SPSB4: variants seen among roughly 807,000 people sequenced by gnomAD.
SPSB4 encodes the protein SPRY domain-containing SOCS box protein 4.
A neutral mutation model predicts 20.9 loss-of-function variants in SPSB4; 21 were observed. The ratio of observed to expected loss-of-function variants is 1.01; its 90% CI spans 0.71 to 1.45. The LOEUF is 1.45. Ranked by LOEUF, SPSB4 falls within the 40% of genes most tolerant of loss-of-function variation. The pLI is 0.00. For missense variants in SPSB4, 399 were observed against 399.2 expected (o/e 1.00, Z 0.00); for synonymous variants, 207 against 183.8 (o/e 1.13, Z -1.02).
rs78690199 is a variant in SPSB4 at position 141,069,056 on chromosome 3, G to A, written c.694+2258G>A. Among the ~76,000 whole-genome samples, 408 of 152,320 alleles carry A rather than the reference G, an allele frequency of 2.7e-3. 1 individual carries two copies. Among genetic ancestry groups the A allele is most frequent in the African/African-American group, 8.6e-3 (359 of 41,564 alleles). On this transcript the variant is annotated intron_variant, in intron 2 of 2. Transcript: ENST00000310546. ...TGAATCTGGAATACTGAATCTAGGA[G>A]GCAAGAGAGGCCAGATGTCATGGGA...
At chr3:141,076,122 GC>G (rs1938104986) in intron 2 of SPSB4, among the ~76,000 whole-genome samples, 1 of 152,196 alleles carries the variant, frequency 6.6e-6, no homozygotes, top group African/African-American at 2.4e-5. Flanking sequence ...GGTCTGTGTT[GC>G]CCTCTTTGTT....
At position 141,066,205 on chromosome 3, in the gene SPSB4, C is replaced by T. The variant is rs1304662334; in HGVS notation, c.101C>T (p.Pro34Leu). ...CTGCGGGGTGCAGAGCCCGGGCGGC[C>T]GGCGCGGCTGGACCAGCTGTTGGAC... is the stretch of plus-strand genomic sequence containing the variant. ...RELRGAEPGRPARLDQLLDMP... is the reference protein window; with the variant it reads ...RELRGAEPGRLARLDQLLDMP... Residue 34 changes from proline to leucine, a missense_variant, in exon 2 of 3, where the codon CCG becomes CTG. Physicochemically the swap from Pro to Leu is moderately conservative, Grantham distance 98. Transcript: ENST00000310546. 5.6e-5 allele frequency: 86 copies of T among 1,532,006 alleles called. No individual in the cohort carries two copies. The highest frequency in any genetic ancestry group is 7.2e-5 in the Non-Finnish European group (82 of 1,141,316). The allele number at this position is 1,532,006 out of a possible 1,614,324, so 94.9% of individuals were successfully genotyped here.
At chr3:141,138,587 T>G (rs1311860417) in intron 2 of SPSB4, among the ~76,000 whole-genome samples, 3 of 152,244 alleles carry the variant, frequency 2.0e-5, no homozygotes, top group Admixed American at 1.3e-4. Flanking sequence ...TTCATTTCCT[T>G]GTGAACCCAG....
chr3:141,134,790 A>G (rs1939197206), intron 2 of SPSB4, among the ~76,000 whole-genome samples: 1 of 150,714 alleles, frequency 6.6e-6, no homozygotes. Flanking sequence ...GTTTTTTGTT[A>G]TGTCCTTTCC....
intron 2 of SPSB4, among the ~76,000 whole-genome samples, chr3:141,112,473 G>A (rs1031806169): frequency 6.0e-5 from 9 of 150,688 alleles, no homozygotes; most frequent in South Asian, 2.1e-4. Flanking sequence ...GTGAAACCCC[G>A]TCTCTACTAA....
Position 141,066,062 on chromosome 3 carries a change from G to A in SPSB4, c.-43G>A. 6.9e-7 allele frequency: 1 copy of A among 1,448,444 alleles called. No homozygotes were observed. The highest frequency in any genetic ancestry group is 9.0e-7 in the Non-Finnish European group (1 of 1,107,308). The allele number at this position is 1,448,444 out of a possible 1,614,324, so 89.7% of individuals were successfully genotyped here. On this transcript the variant is annotated 5_prime_UTR_variant, in exon 2 of 3. Transcript: ENST00000310546. ...GGCTACGGGGAGTGGAGGCTCCCAC[G>A]AGGTAGCGGTGGCCTGCAGCGGCCT...
intron 2 of SPSB4, among the ~76,000 whole-genome samples, chr3:141,075,610 C>G (rs1408948721): frequency 1.3e-5 from 2 of 152,066 alleles, no homozygotes; most frequent in African/African-American, 4.8e-5. Flanking sequence ...GGGTCGGGCC[C>G]AAGATTCTGC....
intron 2 of SPSB4, among the ~76,000 whole-genome samples, chr3:141,069,304 G>A (rs1305043966): frequency 6.6e-6 from 1 of 152,168 alleles, no homozygotes; most frequent in Admixed American, 6.5e-5. Flanking sequence ...GAGTCTCGCA[G>A]GGATAGTTGG....
At chr3:141,144,848 C>G (rs889115636) in intron 2 of SPSB4, among the ~76,000 whole-genome samples, 5 of 152,128 alleles carry the variant, frequency 3.3e-5, no homozygotes, top group African/African-American at 9.7e-5. Flanking sequence ...CTATTATGTG[C>G]CTAGGGCATT....
At chr3:141,097,504 C>T (rs996472474) in intron 2 of SPSB4, among the ~76,000 whole-genome samples, 1 of 152,148 alleles carries the variant, frequency 6.6e-6, no homozygotes, top group Non-Finnish European at 1.5e-5. Context: ...GTGATCCACC[C>T]GCCTCAGCCT....
At chr3:141,130,105 C>T (rs949408240) in intron 2 of SPSB4, among the ~76,000 whole-genome samples, 1 of 152,162 alleles carries the variant, frequency 6.6e-6, no homozygotes, top group Non-Finnish European at 1.5e-5. Flanking sequence ...CAGGGCCAGT[C>T]GGTACAGGGA....
At chr3:141,131,335 G>C (rs777422821) in intron 2 of SPSB4, among the ~76,000 whole-genome samples, 8 of 152,164 alleles carry the variant, frequency 5.3e-5, no homozygotes, top group Non-Finnish European at 1.0e-4. Context: ...ACTTCTGTCA[G>C]TGATTTTTTT....
intron 2 of SPSB4, among the ~76,000 whole-genome samples, chr3:141,069,599 G>A (rs951363193): frequency 1.3e-5 from 2 of 152,198 alleles, no homozygotes; most frequent in African/African-American, 4.8e-5. Flanking sequence ...CATAGGAGGA[G>A]AGAACTCTGC....
chr3:141,134,657 G>A (rs1435283857), intron 2 of SPSB4, among the ~76,000 whole-genome samples: 2 of 152,094 alleles, frequency 1.3e-5, no homozygotes, highest in East Asian at 3.9e-4. Context: ...CTGCATGCCT[G>A]GTGTGAAACC....
chr3:141,119,415 G>A (rs963278992), intron 2 of SPSB4, among the ~76,000 whole-genome samples: 4 of 152,124 alleles, frequency 2.6e-5, no homozygotes, highest in Non-Finnish European at 5.9e-5. Context: ...TTTTCCACAT[G>A]TACAATCATG....
intron 2 of SPSB4, among the ~76,000 whole-genome samples, chr3:141,138,430 G>T (rs1449363182): frequency 1.3e-5 from 2 of 152,100 alleles, no homozygotes; most frequent in Non-Finnish European, 2.9e-5. Flanking sequence ...TGATGTTAGG[G>T]TGTCAATTTT....
chr3:141,114,579 C>A (rs1336114823), intron 2 of SPSB4, among the ~76,000 whole-genome samples: 1 of 152,206 alleles, frequency 6.6e-6, no homozygotes, highest in Non-Finnish European at 1.5e-5. Flanking sequence ...TCTAAACCAC[C>A]GTGGCCAGCC....
rs1169563915 is a variant in SPSB4 at position 141,091,308 on chromosome 3, G to A, written c.694+24510G>A. 2.6e-5 allele frequency among the ~76,000 whole-genome samples: 4 copies of A among 152,268 alleles called. No individual in the cohort carries two copies. The East Asian group carries it at 7.7e-4, about 29-fold the overall frequency. ...CTCAGTTTCTGCTTCTGTAAAGTAG[G>A]GATAAAAGCCATAACCACCTCGTGA... On this transcript the variant is annotated intron_variant, in intron 2 of 2. Coordinates refer to ENST00000310546, the MANE Select transcript of SPSB4 (RefSeq NM_080862.3).
At position 141,142,803 on chromosome 3, in the gene SPSB4, C is replaced by CTT. The variant is rs57674247; in HGVS notation, c.695-4309_695-4308dup. 7.5e-3 allele frequency among the ~76,000 whole-genome samples: 468 copies of CTT among 62,014 alleles called. 64 individuals are homozygous for CTT. Among genetic ancestry groups the CTT allele is most frequent in the Middle Eastern group, 0.016 (1 of 64 alleles). The allele number at this position is 62,014 out of a possible 152,430, so 40.7% of individuals were successfully genotyped here. ...ATTATGATATAATGTCCCTCTTTGT[C>CTT]TTTTTTTTTTTTTTTTTTTTTTTTT... On this transcript the variant is annotated intron_variant, in intron 2 of 2. Coordinates refer to ENST00000310546, the MANE Select transcript of SPSB4 (RefSeq NM_080862.3).
Sources: gnomAD v4.1 joint callset for allele counts (sites outside exome capture counted in the v4.1 genomes callset) on GRCh38, gnomAD v4.1.1 for gene constraint, MANE v1.5 for transcripts, NCBI Gene and HGNC (gene_info 2026-07-23, HGNC 2026-07-21) for gene names.